Variants in STX12 observed in about 807,000 individuals in gnomAD.
STX12 encodes the protein syntaxin-12.
In STX12, 17 loss-of-function variants were observed where a neutral mutation model predicts 42.2. That is an observed-to-expected ratio of 0.40 (90% CI 0.28 to 0.60). STX12 has a LOEUF of 0.60. STX12 is among the 20% of genes least tolerant of loss of function. The probability of loss-of-function intolerance (pLI) is 0.39; values close to 1 mark genes in which losing one functional copy is unlikely to be tolerated. For missense variants in STX12, 297 were observed against 330.9 expected (o/e 0.90, Z 0.79); for synonymous variants, 108 against 116.7 (o/e 0.93, Z 0.48).
At chr1:27,794,331 A>C (rs922661446) in intron 3 of STX12, among the ~76,000 whole-genome samples, 2 of 152,014 alleles carry the variant, frequency 1.3e-5, no homozygotes, top group Non-Finnish European at 2.9e-5. Flanking sequence ...CAGGGTTCCT[A>C]GTTTGTTTTG....
At chr1:27,809,309 C>T (rs1394433630) in intron 4 of STX12, among the ~76,000 whole-genome samples, 3 of 12,772 alleles carry the variant, frequency 2.3e-4, no homozygotes, top group Admixed American at 2.3e-3. Context: ...GATCCAGCCT[C>T]GGGACCAGAG....
chr1:27,782,418 G>C (rs2088673617), intron 1 of STX12, among the ~76,000 whole-genome samples: 1 of 152,138 alleles, frequency 6.6e-6, no homozygotes, highest in African/African-American at 2.4e-5. Context: ...TCTTAATTCA[G>C]AGCTATGCTC....
intron 6 of STX12, among the ~76,000 whole-genome samples, chr1:27,812,729 C>T (rs2088912481): frequency 6.6e-6 from 1 of 152,176 alleles, no homozygotes; most frequent in Non-Finnish European, 1.5e-5. Flanking sequence ...GCGTGAGTCA[C>T]CGCTCCTGGC....
intron 4 of STX12, among the ~76,000 whole-genome samples, chr1:27,806,530 G>C (rs965928967): frequency 2.6e-5 from 4 of 152,150 alleles, no homozygotes; most frequent in Non-Finnish European, 4.4e-5. Context: ...ATAGTAGAAA[G>C]ATATGTATTG....
intron 1 of STX12, among the ~76,000 whole-genome samples, chr1:27,779,658 G>T (rs1557797485): frequency 6.6e-6 from 1 of 151,714 alleles, no homozygotes; most frequent in Non-Finnish European, 1.5e-5. Context: ...ATTTCACCTT[G>T]CTTTCACTCC....
chr1:27,791,146 G>A (rs901729652), intron 2 of STX12, among the ~76,000 whole-genome samples: 1 of 150,896 alleles, frequency 6.6e-6, no homozygotes, highest in Non-Finnish European at 1.5e-5. Context: ...CTGTAATCCC[G>A]GCTACTTGGG....
At chr1:27,810,217 C>T in intron 4 of STX12, 29 bp from the exon 5 acceptor site, 1 of 1,611,920 alleles carries the variant, frequency 6.2e-7, no homozygotes, top group Non-Finnish European at 8.5e-7. Context: ...TTCTGGATGA[C>T]AGCAGCAATA....
chr1:27,799,523 C>T (rs1275639517), intron 3 of STX12, among the ~76,000 whole-genome samples: 1 of 141,592 alleles, frequency 7.1e-6, no homozygotes, highest in African/African-American at 3.0e-5. Context: ...GGCTCTTTTG[C>T]TCAGTCTGGA....
chr1:27,780,487 C>T (rs535500561), intron 1 of STX12, among the ~76,000 whole-genome samples: 58 of 152,208 alleles, frequency 3.8e-4, no homozygotes, highest in Non-Finnish European at 7.1e-4. Context: ...GGATTACAGG[C>T]GCCCAGCCTT....
chr1:27,809,504 A>G (rs1295497471), intron 4 of STX12, among the ~76,000 whole-genome samples: 3 of 132,844 alleles, frequency 2.3e-5, no homozygotes, highest in Non-Finnish European at 4.6e-5. Context: ...TCTGTTGTCC[A>G]GGCTGGAGTG....
intron 3 of STX12, among the ~76,000 whole-genome samples, chr1:27,799,456 GAACCCCA>G (rs1439252787): frequency 1.4e-5 from 2 of 145,778 alleles, no homozygotes; most frequent in Non-Finnish European, 3.0e-5. Flanking sequence ...TTTAGAGGTT[GAACCCCA>G]AACTCATTAG....
At chr1:27,806,439 A>G (rs1307866675) in intron 4 of STX12, among the ~76,000 whole-genome samples, 2 of 152,244 alleles carry the variant, frequency 1.3e-5, no homozygotes, top group East Asian at 3.8e-4. Flanking sequence ...CCATTACACA[A>G]GTGCTTTTCC....
chr1:27,801,099 C>T (rs1455774326), intron 3 of STX12, among the ~76,000 whole-genome samples: 1 of 152,118 alleles, frequency 6.6e-6, no homozygotes. Flanking sequence ...TTGGAGATTA[C>T]TTTAGAAGTT....
At chr1:27,796,388 C>T (rs1169100565) in intron 3 of STX12, among the ~76,000 whole-genome samples, 2 of 151,890 alleles carry the variant, frequency 1.3e-5, no homozygotes, top group African/African-American at 2.4e-5. Flanking sequence ...GTTTTTTGTT[C>T]GTTTGTTTGA....
At chr1:27,818,786 C>T (rs560467163) in intron 7 of STX12, among the ~76,000 whole-genome samples, 3 of 152,172 alleles carry the variant, frequency 2.0e-5, no homozygotes, top group South Asian at 2.1e-4. Context: ...TGTGCCACCA[C>T]GCCCGCTAAT....
At chr1:27,778,379 A>C (rs989781665) in intron 1 of STX12, among the ~76,000 whole-genome samples, 1 of 152,088 alleles carries the variant, frequency 6.6e-6, no homozygotes, top group Non-Finnish European at 1.5e-5. Flanking sequence ...CTCAAAGTTA[A>C]CTCTGAAGGG....
intron 1 of STX12, among the ~76,000 whole-genome samples, chr1:27,785,272 A>C (rs1035487329): frequency 1.3e-5 from 2 of 152,200 alleles, no homozygotes; most frequent in Non-Finnish European, 2.9e-5. Flanking sequence ...GGAGTTATAC[A>C]TACACAAAAA....
At chr1:27,774,674 A>AAAAATATT (rs3047062) in intron 1 of STX12, among the ~76,000 whole-genome samples, 2 of 151,718 alleles carry the variant, frequency 1.3e-5, no homozygotes, top group African/African-American at 4.9e-5. Flanking sequence ...TTTTTGATTT[A>AAAAATATT]AAATATTTTT....
At chr1:27,781,991 C>G (rs1287190196) in intron 1 of STX12, among the ~76,000 whole-genome samples, 1 of 152,122 alleles carries the variant, frequency 6.6e-6, no homozygotes, top group African/African-American at 2.4e-5. Context: ...TTCTCTTATT[C>G]TCATTTTTAA....
Sources: gnomAD v4.1 joint callset for allele counts (sites outside exome capture counted in the v4.1 genomes callset) on GRCh38, gnomAD v4.1.1 for gene constraint, MANE v1.5 for transcripts, NCBI Gene and HGNC (gene_info 2026-07-23, HGNC 2026-07-21) for gene names.